Variants in BHMT2 observed in about 807,000 individuals in gnomAD.
BHMT2 encodes the protein betaine--homocysteine S-methyltransferase 2.
Under a neutral mutation model 39.0 loss-of-function variants are expected in BHMT2, and 28 were observed. The observed-to-expected ratio is 0.72, with a 90% CI of 0.53 to 0.98. The LOEUF (loss-of-function observed/expected upper bound fraction) is 0.98. Among genes scored for constraint, BHMT2 ranks in the 50% least tolerant of loss-of-function variants. The probability of loss-of-function intolerance (pLI) is 0.00; values close to 1 mark genes in which losing one functional copy is unlikely to be tolerated. For synonymous variants in BHMT2, 145 were observed against 160.6 expected (o/e 0.90, Z 0.74); for missense variants, 410 against 455.6 (o/e 0.90, Z 0.91).
rs562243418 is a variant in BHMT2 at position 79,075,557 on chromosome 5, C to T, written c.34-1923C>T. Among the ~76,000 whole-genome samples the T allele has an allele frequency of 3.3e-5, 5 of 152,260 alleles. No homozygotes were observed. In the South Asian group the frequency reaches 1.0e-3, roughly 32 times the overall value. ...GCTTTGTGTCCAGCTATGGGCAGGCCTGAAATGAACTGGCCTATTATCAAT... is the reference window on the plus strand; with the variant it reads ...GCTTTGTGTCCAGCTATGGGCAGGCTTGAAATGAACTGGCCTATTATCAAT... On this transcript the variant is annotated intron_variant, in intron 1 of 7. Transcript: ENST00000255192.
intron 7 of BHMT2, among the ~76,000 whole-genome samples, chr5:79,086,596 A>G (rs1044385439): frequency 2.0e-5 from 3 of 152,190 alleles, no homozygotes; most frequent in Admixed American, 6.5e-5. Flanking sequence ...AAATAATCCT[A>G]TTTACAAAAC....
rs138489722 is a variant in BHMT2 at position 79,080,797 on chromosome 5, G to A, written c.369G>A (p.Lys123=). 3.7e-6 allele frequency: 6 copies of A among 1,605,878 alleles called. No individual in the cohort carries two copies. The highest frequency in any genetic ancestry group is 1.3e-5 in the African/African-American group (1 of 74,314). The change falls in exon 4 of 8, where the codon AAG becomes AAA. Residue 123 remains lysine, a synonymous_variant. Coordinates refer to ENST00000255192, the MANE Select transcript of BHMT2 (RefSeq NM_017614.5). ...ICQTSIYKYQ[K]DEARIKKLFR... Reference sequence around the variant, plus strand: ...AGACATCAATATACAAATACCAGAAGGATGAAGCTAGAATTAAAAAACTTT... The same window carrying A: ...AGACATCAATATACAAATACCAGAAAGATGAAGCTAGAATTAAAAAACTTT...
At chr5:79,077,787 C>A in intron 2 of BHMT2, 175 bp downstream of exon 2, 1 of 554,764 alleles carries the variant, frequency 1.8e-6, no homozygotes, top group Non-Finnish European at 2.9e-6. Context: ...AGAAAATGAC[C>A]TCTCTCTCTC....
In BHMT2 at chr5:79,088,579, T is replaced by C. The variant is rs549037477; in HGVS notation, c.*5T>C. Reference sequence around the variant, plus strand: ...CTGTCAAAGCCAGACTTCTAAGGAGTAGTGAAAGAAAACCCTGAAATAATC... The same window carrying C: ...CTGTCAAAGCCAGACTTCTAAGGAGCAGTGAAAGAAAACCCTGAAATAATC... On this transcript the variant is annotated 3_prime_UTR_variant, in exon 8 of 8. Coordinates refer to ENST00000255192, the MANE Select transcript of BHMT2 (RefSeq NM_017614.5). 8.1e-6 allele frequency: 13 copies of C among 1,611,448 alleles called. No homozygotes were observed. The African/African-American group carries it at 1.2e-4, about 15-fold the overall frequency.
chr5:79,079,242 A>T, intron 2 of BHMT2, 127 bp from the exon 3 acceptor site: 1 of 642,736 alleles, frequency 1.6e-6, no homozygotes, highest in Non-Finnish European at 2.7e-6. Flanking sequence ...TGTTACTACT[A>T]GGTTTGAACT....
chr5:79,075,860 G>T (rs1755662420), intron 1 of BHMT2, among the ~76,000 whole-genome samples: 1 of 152,200 alleles, frequency 6.6e-6, no homozygotes, highest in East Asian at 1.9e-4. Flanking sequence ...TAAACCCCTA[G>T]GGGGAGCATG....
chr5:79,072,033 G>A (rs1561237827), intron 1 of BHMT2, among the ~76,000 whole-genome samples: 1 of 152,080 alleles, frequency 6.6e-6, no homozygotes, highest in Non-Finnish European at 1.5e-5. Flanking sequence ...TTGGGAGGCC[G>A]AGGCAGGCAG....
chr5:79,075,211 C>T (rs1580247226), intron 1 of BHMT2, among the ~76,000 whole-genome samples: 1 of 152,052 alleles, frequency 6.6e-6, no homozygotes, highest in South Asian at 2.1e-4. Context: ...TGACCCCTGC[C>T]GTAGGGAATG....
At position 79,080,053 on chromosome 5, in the gene BHMT2, C is replaced by T. The variant is rs115551939; in HGVS notation, c.258+593C>T. On this transcript the variant is annotated intron_variant, in intron 3 of 7. Coordinates refer to ENST00000255192, the MANE Select transcript of BHMT2 (RefSeq NM_017614.5). ...AGCACTTCATAGATGCTCTTTTCACCTTCTCATTTCACACTTTTCTCTTCT... is the reference window on the plus strand; with the variant it reads ...AGCACTTCATAGATGCTCTTTTCACTTTCTCATTTCACACTTTTCTCTTCT... Among the ~76,000 whole-genome samples, 404 of 152,284 alleles carry T rather than the reference C, an allele frequency of 2.7e-3. 1 individual carries two copies. The highest frequency in any genetic ancestry group is 5.2e-3 in the Non-Finnish European group (354 of 68,022).
chr5:79,087,435 G>T (rs927388354), intron 7 of BHMT2, among the ~76,000 whole-genome samples: 1 of 152,108 alleles, frequency 6.6e-6, no homozygotes, highest in Non-Finnish European at 1.5e-5. Context: ...ATTATCATCT[G>T]CTAGGAATCC....
Position 79,082,869 on chromosome 5 carries a change from C to A in BHMT2, c.511C>A (p.Pro171Thr), listed in dbSNP as rs773365135. Reference protein sequence around the residue: ...AVEVLKESDRPVAVTMCIGPE... With the variant: ...AVEVLKESDRTVAVTMCIGPE... ...GGAAGTCTTAAAAGAATCAGATAGA[C>A]CCGTGGCAGTTACCATGTGCATAGG... Residue 171 changes from proline (P) to threonine (T), a missense_variant, in exon 5 of 8, where the codon CCC becomes ACC. Physicochemically the swap from Pro to Thr is conservative, Grantham distance 38. Transcript: ENST00000255192. The A allele has an allele frequency of 1.2e-6, 2 of 1,614,106 alleles. No homozygotes were observed. The highest frequency in any genetic ancestry group is 1.7e-6 in the Non-Finnish European group (2 of 1,180,012).
chr5:79,078,600 A>G (rs990146487), intron 2 of BHMT2, among the ~76,000 whole-genome samples: 2 of 152,256 alleles, frequency 1.3e-5, no homozygotes, highest in African/African-American at 4.8e-5. Context: ...ATGGGGGCAC[A>G]ACATGGGCTA....
intron 1 of BHMT2, among the ~76,000 whole-genome samples, chr5:79,071,695 A>G (rs961399265): frequency 3.4e-4 from 51 of 152,192 alleles, no homozygotes; most frequent in African/African-American, 1.2e-3. Flanking sequence ...GATCAGGAAA[A>G]ATAACTAATG....
chr5:79,088,902 T>A lies in BHMT2; in HGVS notation c.*328T>A, dbSNP rs573446789. 1.0e-5 allele frequency: 2 copies of A among 197,816 alleles called. No individual in the cohort carries two copies. The highest frequency in any genetic ancestry group is 2.7e-4 in the East Asian group (2 of 7,472). The allele number at this position is 197,816 out of a possible 1,614,324, so 12.3% of individuals were successfully genotyped here. On this transcript the variant is annotated 3_prime_UTR_variant, in exon 8 of 8. Coordinates refer to ENST00000255192, the MANE Select transcript of BHMT2 (RefSeq NM_017614.5). The stretch of plus-strand genomic sequence containing the variant: ...GCCAAACTTGTCTTTGAGGGTGAAT[T>A]TGACACTTTAAAATAATCAGAAGTC...
intron 1 of BHMT2, among the ~76,000 whole-genome samples, chr5:79,070,176 A>T (rs768388536): frequency 6.6e-6 from 1 of 152,296 alleles, no homozygotes; most frequent in Non-Finnish European, 1.5e-5. Flanking sequence ...TGTCGCGCAC[A>T]CATTTTCTTC....
chr5:79,071,388 T>C lies in BHMT2; in HGVS notation c.33+1573T>C, dbSNP rs116731171. On this transcript the variant is annotated intron_variant, in intron 1 of 7. Transcript: ENST00000255192. ...GAAGTTGATCCCCACTGAGTATGAATAGAGATGTCTTGAAGCCAGATCTTA... is the reference window on the plus strand; with the variant it reads ...GAAGTTGATCCCCACTGAGTATGAACAGAGATGTCTTGAAGCCAGATCTTA... 4.7e-4 allele frequency among the ~76,000 whole-genome samples: 71 copies of C among 152,314 alleles called. 1 individual carries two copies. In the Middle Eastern group the frequency reaches 0.027, roughly 58 times the overall value.
intron 2 of BHMT2, among the ~76,000 whole-genome samples, 178 bp from the exon 3 acceptor site, chr5:79,079,191 A>C (rs961248798): frequency 2.0e-5 from 3 of 152,236 alleles, no homozygotes; most frequent in African/African-American, 7.2e-5. Flanking sequence ...TAAACAGTAC[A>C]TCCTGCCTAT....
intron 7 of BHMT2, 55 bp from the exon 8 acceptor site, chr5:79,088,438 T>C: frequency 7.5e-7 from 1 of 1,341,360 alleles, no homozygotes; most frequent in Admixed American, 1.8e-5. Flanking sequence ...ATATGACATA[T>C]TGGACTTATA....
intron 4 of BHMT2, among the ~76,000 whole-genome samples, chr5:79,081,464 C>G (rs1025878232): frequency 3.3e-5 from 5 of 152,222 alleles, no homozygotes; most frequent in African/African-American, 1.2e-4. Context: ...AGAACATTCT[C>G]TTTCCTCCAC....
Sources: gnomAD v4.1 joint callset for allele counts (sites outside exome capture counted in the v4.1 genomes callset) on GRCh38, gnomAD v4.1.1 for gene constraint, MANE v1.5 for transcripts, NCBI Gene and HGNC (gene_info 2026-07-23, HGNC 2026-07-21) for gene names.